The following PACRG variants were observed in gnomAD, a reference collection of about 807,000 sequenced individuals.
The protein encoded by PACRG is parkin coregulated.
Under a neutral mutation model 29.7 loss-of-function variants are expected in PACRG, and 29 were observed. That is an observed-to-expected ratio of 0.98 (90% CI 0.73 to 1.33). The LOEUF (loss-of-function observed/expected upper bound fraction) is 1.33, where lower values mean the gene tolerates loss of function less well. Among genes scored for constraint, PACRG ranks in the 40% most tolerant of loss-of-function variants. PACRG has a pLI of 0.00. For synonymous variants in PACRG, 116 were observed against 118.7 expected (o/e 0.98, Z 0.15); for missense variants, 279 against 316.2 (o/e 0.88, Z 0.89).
chr6:163,094,295 C>T (rs935940653), intron 4 of PACRG, among the ~76,000 whole-genome samples: 5 of 152,232 alleles, frequency 3.3e-5, no homozygotes, highest in African/African-American at 9.6e-5. Flanking sequence ...TCATGATTTA[C>T]ATTTTAGAAA....
intron 4 of PACRG, among the ~76,000 whole-genome samples, chr6:163,171,433 G>T: frequency 6.6e-6 from 1 of 152,092 alleles, no homozygotes; most frequent in East Asian, 1.9e-4. Flanking sequence ...TTGCCCCTCC[G>T]TGAGGCAGGT....
chr6:163,125,123 T>C (rs970561720), intron 4 of PACRG, among the ~76,000 whole-genome samples: 4 of 152,124 alleles, frequency 2.6e-5, no homozygotes, highest in Non-Finnish European at 4.4e-5. Flanking sequence ...AGAAATTCAA[T>C]AAAGGTGATA....
intron 4 of PACRG, among the ~76,000 whole-genome samples, chr6:163,193,858 A>G (rs918037193): frequency 1.3e-5 from 2 of 150,978 alleles, no homozygotes; most frequent in Admixed American, 1.3e-4. Flanking sequence ...TTTCAAATCC[A>G]TGTTGGACTA....
intron 4 of PACRG, among the ~76,000 whole-genome samples, chr6:163,210,627 G>A (rs11969695): frequency 0.021 from 3,205 of 152,286 alleles, 109 homozygotes; most frequent in African/African-American, 0.073. Context: ...ATTGGTTAAC[G>A]CATACTGAAG....
chr6:162,870,051 C>T (rs1040056450), intron 2 of PACRG, among the ~76,000 whole-genome samples: 1 of 152,072 alleles, frequency 6.6e-6, no homozygotes, highest in Non-Finnish European at 1.5e-5. Flanking sequence ...GATTGGGTGT[C>T]CTCTTTGAAA....
chr6:163,150,070 C>A (rs1265044770), intron 4 of PACRG, among the ~76,000 whole-genome samples: 1 of 152,194 alleles, frequency 6.6e-6, no homozygotes, highest in Non-Finnish European at 1.5e-5. Flanking sequence ...TGCTAGTCCT[C>A]TCCCTGGCCC....
At chr6:162,740,623 A>T in intron 1 of PACRG, among the ~76,000 whole-genome samples, 1 of 104,870 alleles carries the variant, frequency 9.5e-6, no homozygotes, top group East Asian at 2.9e-4. Flanking sequence ...TTTTTTTGAG[A>T]TGGACTCGCT....
intron 2 of PACRG, chr6:163,043,147 G>A (rs779249047): frequency 9.9e-5 from 15 of 152,180 alleles, no homozygotes; most frequent in East Asian, 7.7e-4. Context: ...TGTCCTTCAC[G>A]AATGACTTCT....
rs1271585348 is a variant in PACRG at position 163,282,475 on chromosome 6, A to C, written c.614-32352A>C. Among the ~76,000 whole-genome samples the C allele has an allele frequency of 4.6e-5, 7 of 152,120 alleles. No individual in the cohort carries two copies. In the South Asian group the frequency reaches 1.0e-3, roughly 23 times the overall value. On this transcript the variant is annotated intron_variant, in intron 4 of 4. Transcript: ENST00000366888. ...CCTGTAATCCCAGTACTTTGGGAGG[A>C]CGAGGCAGGTGGATCACCTGAGGTC...
chr6:163,145,868 AGAG>A (rs1777778109), intron 4 of PACRG, among the ~76,000 whole-genome samples: 1 of 152,112 alleles, frequency 6.6e-6, no homozygotes, highest in Non-Finnish European at 1.5e-5. Flanking sequence ...CGGAGATGGG[AGAG>A]GAGAAGGAGA....
intron 2 of PACRG, among the ~76,000 whole-genome samples, chr6:163,012,311 C>T (rs1229669361): frequency 1.3e-5 from 2 of 152,270 alleles, no homozygotes; most frequent in East Asian, 3.9e-4. Flanking sequence ...TCAGCATCTG[C>T]AAAGCCAGAA....
intron 2 of PACRG, among the ~76,000 whole-genome samples, chr6:163,028,867 A>G (rs797003256): frequency 1.3e-5 from 2 of 152,300 alleles, no homozygotes; most frequent in African/African-American, 4.8e-5. Flanking sequence ...ACAACCCCCA[A>G]CTGGGGAGGG....
At chr6:163,222,170 C>T (rs182089545) in intron 4 of PACRG, among the ~76,000 whole-genome samples, 81 of 152,290 alleles carry the variant, frequency 5.3e-4, no homozygotes, top group African/African-American at 1.7e-3. Context: ...AATTAACCCA[C>T]TATAAAAAAG....
intron 4 of PACRG, among the ~76,000 whole-genome samples, chr6:163,118,738 G>T (rs1816131354): frequency 6.6e-6 from 1 of 152,188 alleles, no homozygotes; most frequent in African/African-American, 2.4e-5. Flanking sequence ...TAAGGTAACA[G>T]AAGTTCCATG....
At chr6:163,069,450 C>T (rs965396829) in intron 3 of PACRG, among the ~76,000 whole-genome samples, 4 of 151,842 alleles carry the variant, frequency 2.6e-5, no homozygotes, top group African/African-American at 9.7e-5. Context: ...ATAAATTTAA[C>T]AAACAGATCC....
intron 2 of PACRG, chr6:163,042,725 A>AG (rs1215484578): frequency 3.3e-5 from 5 of 151,852 alleles, no homozygotes; most frequent in African/African-American, 1.2e-4. Flanking sequence ...AGAGAGAGAG[A>AG]AAAAAAGGCA....
At chr6:163,060,209 C>T (rs1183008593) in intron 2 of PACRG, among the ~76,000 whole-genome samples, 1 of 151,964 alleles carries the variant, frequency 6.6e-6, no homozygotes, top group African/African-American at 2.4e-5. Flanking sequence ...TAGTAAAATA[C>T]AAAATTTAAT....
chr6:162,985,223 A>G (rs537427859), intron 2 of PACRG, among the ~76,000 whole-genome samples: 1 of 152,118 alleles, frequency 6.6e-6, no homozygotes, highest in South Asian at 2.1e-4. Flanking sequence ...GTACCACCCT[A>G]ATACCAAAAC....
chr6:162,961,825 A>G (rs1210163254), intron 2 of PACRG, among the ~76,000 whole-genome samples: 4 of 152,172 alleles, frequency 2.6e-5, no homozygotes, highest in African/African-American at 4.8e-5. Flanking sequence ...GAGCAGAGGC[A>G]TGTATTCCCA....
Sources: allele counts gnomAD v4.1 joint callset (sites outside exome capture counted in the v4.1 genomes callset), GRCh38; gene constraint gnomAD v4.1.1; transcripts MANE v1.5; gene names NCBI Gene and HGNC (gene_info 2026-07-23, HGNC 2026-07-21).